DNAH8: variants seen among roughly 807,000 people sequenced by gnomAD.
DNAH8 encodes the protein axonemal beta dynein heavy chain 8.
A neutral mutation model predicts 562.1 loss-of-function variants in DNAH8; 382 were observed. The observed-to-expected ratio is 0.68, with a 90% CI of 0.63 to 0.74. The LOEUF is 0.74. DNAH8 is among the 30% of genes least tolerant of loss of function. DNAH8 has a pLI of 0.00. For synonymous variants in DNAH8, 1,881 were observed against 1,919.4 expected (o/e 0.98, Z 0.52); for missense variants, 5,203 against 5,620.4 (o/e 0.93, Z 2.37).
intron 53 of DNAH8, among the ~76,000 whole-genome samples, chr6:38,877,571 C>A (rs1487954305): frequency 6.6e-6 from 1 of 152,094 alleles, no homozygotes; most frequent in South Asian, 2.1e-4. Context: ...TTTGCCCGAG[C>A]CTTTGTGGCC....
intron 82 of DNAH8, among the ~76,000 whole-genome samples, chr6:38,969,510 T>C (rs1763190027): frequency 6.6e-6 from 1 of 151,346 alleles, no homozygotes. Flanking sequence ...ATGGGAGAGG[T>C]GTGCCGTTTT....
At chr6:38,774,020 G>A (rs1767829116) in intron 12 of DNAH8, among the ~76,000 whole-genome samples, 1 of 152,238 alleles carries the variant, frequency 6.6e-6, no homozygotes, top group Non-Finnish European at 1.5e-5. Flanking sequence ...GCTCTAGTGT[G>A]TCAGTGTTAG....
intron 87 of DNAH8, 169 bp downstream of exon 87, chr6:38,984,476 A>G: frequency 2.1e-6 from 1 of 472,678 alleles, no homozygotes; most frequent in Non-Finnish European, 4.0e-6. Context: ...ACATGCACAC[A>G]CACACACACA....
At chr6:38,749,792 C>T (rs1010904447) in intron 8 of DNAH8, among the ~76,000 whole-genome samples, 23 of 152,148 alleles carry the variant, frequency 1.5e-4, no homozygotes, top group Admixed American at 1.0e-3. Context: ...AGATTGACTT[C>T]ACTTTGCTAG....
intron 14 of DNAH8, among the ~76,000 whole-genome samples, chr6:38,778,907 G>A (rs897919971): frequency 6.6e-6 from 1 of 152,110 alleles, no homozygotes; most frequent in Non-Finnish European, 1.5e-5. Context: ...TATACTTAAG[G>A]TGTATAACAT....
chr6:38,838,212 T>C (rs1774459813), intron 33 of DNAH8, among the ~76,000 whole-genome samples, 170 bp downstream of exon 33: 1 of 152,236 alleles, frequency 6.6e-6, no homozygotes, highest in East Asian at 1.9e-4. Flanking sequence ...CACAGTCTCC[T>C]ATACAAAAGA....
At chr6:38,734,680 G>C in intron 5 of DNAH8, 55 bp downstream of exon 5, 1 of 1,578,256 alleles carries the variant, frequency 6.3e-7, no homozygotes, top group Non-Finnish European at 8.6e-7. Flanking sequence ...TATTTTTGTA[G>C]TCACACTTAT....
intron 3 of DNAH8, among the ~76,000 whole-genome samples, chr6:38,729,297 T>C (rs943160265): frequency 2.0e-5 from 3 of 152,226 alleles, no homozygotes; most frequent in Admixed American, 2.0e-4. Context: ...ATTAGGTGAA[T>C]GGGTATATGA....
chr6:38,782,936 CT>C, intron 16 of DNAH8, 67 bp from the exon 17 acceptor site: 1 of 1,398,620 alleles, frequency 7.1e-7, no homozygotes, highest in African/African-American at 1.5e-5. Context: ...CATATAAGTA[CT>C]TTCATTATTT....
intron 62 of DNAH8, among the ~76,000 whole-genome samples, chr6:38,901,794 C>G (rs946664325): frequency 6.6e-6 from 1 of 152,062 alleles, no homozygotes; most frequent in Non-Finnish European, 1.5e-5. Flanking sequence ...ATTTTAAAAA[C>G]ATAAAATATC....
rs192112522 is a variant in DNAH8, at chr6:38,961,049, C to T, written c.12451+9529C>T. Among the ~76,000 whole-genome samples, 15 of 151,988 alleles carry T rather than the reference C, an allele frequency of 9.9e-5. No homozygotes were observed. The South Asian group carries it at 1.9e-3, about 19-fold the overall frequency. ...TCATTTGTGACAACATGGATGAATA[C>T]GGTGGGCATTATCCTAAATGAAATA... On this transcript the variant is annotated intron_variant, in intron 82 of 92. Transcript: ENST00000327475.
At position 38,984,290 on chromosome 6, in the gene DNAH8, C is replaced by A; in HGVS notation, c.13036C>A (p.Leu4346Ile). ...RVTDDFDKRL[L>I]NCFARVWFSE... ...GACAGATGACTTTGACAAACGTCTA[C>A]TTAATTGCTTTGCCAGAGTAAGTCA... The change falls in exon 87 of 93, where the codon CTT becomes ATT. Residue 4346 changes from leucine (L) to isoleucine (I), a missense_variant. Leu to Ile is a conservative substitution (Grantham distance 5). Around this residue, in one of 6 missense-constraint regions of DNAH8, gnomAD observed 1,399 missense variants for 1,518.4 expected, o/e 0.92. Coordinates refer to ENST00000327475, the MANE Select transcript of DNAH8 (RefSeq NM_001206927.2). 1 of 1,602,934 alleles carries A rather than the reference C, an allele frequency of 6.2e-7. No homozygotes were observed. The highest frequency in any genetic ancestry group is 8.5e-7 in the Non-Finnish European group (1 of 1,169,876).
rs60557580 is a variant in DNAH8, at chr6:38,803,599, ATT to A, written c.3034+302_3034+303del. ...GTCTCAGGCCTGCTATGCTAACTCT[ATT>A]TTTTTTTTTTTTTCTGGTGCAGCAT... On this transcript the variant is annotated intron_variant, in intron 22 of 92. Coordinates refer to ENST00000327475, the MANE Select transcript of DNAH8 (RefSeq NM_001206927.2). 0.28 allele frequency among the ~76,000 whole-genome samples: 38,980 copies of A among 138,902 alleles called. 5,540 individuals carry two copies. Among genetic ancestry groups the A allele is most frequent in the East Asian group, 0.5 (2,420 of 4,852 alleles). 91.1% of individuals were successfully genotyped at this position (138,902 alleles called of 152,430 possible).
chr6:38,727,152 T>C (rs539343118), intron 3 of DNAH8, among the ~76,000 whole-genome samples: 1 of 152,188 alleles, frequency 6.6e-6, no homozygotes, highest in Admixed American at 6.5e-5. Context: ...GCCACCGTGC[T>C]GGGCCTGGAA....
intron 8 of DNAH8, among the ~76,000 whole-genome samples, chr6:38,746,552 A>T (rs1047440560): frequency 6.7e-6 from 1 of 150,336 alleles, no homozygotes; most frequent in South Asian, 2.1e-4. Flanking sequence ...TTTATAATGA[A>T]TTTTTTTATA....
intron 1 of DNAH8, among the ~76,000 whole-genome samples, chr6:38,721,037 A>T (rs1271051195): frequency 6.6e-6 from 1 of 152,246 alleles, no homozygotes; most frequent in African/African-American, 2.4e-5. Flanking sequence ...AGGAGACAAA[A>T]GGAAAAAGAA....
At chr6:39,029,619 C>T (rs558689876) in intron 92 of DNAH8, among the ~76,000 whole-genome samples, 16 of 152,304 alleles carry the variant, frequency 1.1e-4, no homozygotes, top group Admixed American at 2.6e-4. Context: ...CCTCTGGGGG[C>T]GCTCTGACTC....
At chr6:38,918,363 C>T (rs1781467645) in intron 70 of DNAH8, among the ~76,000 whole-genome samples, 1 of 152,128 alleles carries the variant, frequency 6.6e-6, no homozygotes, top group Non-Finnish European at 1.5e-5. Context: ...AACATGTTAA[C>T]TTACACAGGA....
At chr6:38,738,092 G>T in intron 7 of DNAH8, 120 bp downstream of exon 7, 1 of 1,068,620 alleles carries the variant, frequency 9.4e-7, no homozygotes, top group Admixed American at 2.7e-5. Flanking sequence ...CCAGAATCTA[G>T]TTTGAAACTC....
Sources: gnomAD v4.1 joint callset for allele counts (sites outside exome capture counted in the v4.1 genomes callset) on GRCh38, gnomAD v4.1.1 for gene constraint, gnomAD v4.1.1 regional missense constraint, MANE v1.5 for transcripts, NCBI Gene and HGNC (gene_info 2026-07-23, HGNC 2026-07-21) for gene names.